CFAP299: variants seen among roughly 807,000 people sequenced by gnomAD.
CFAP299 encodes the protein cilia and flagella associated protein 299.
Under a neutral mutation model 27.0 loss-of-function variants are expected in CFAP299, and 21 were observed. The observed-to-expected ratio is 0.78, with a 90% CI of 0.55 to 1.12. The LOEUF (loss-of-function observed/expected upper bound fraction) is 1.12, where lower values mean the gene tolerates loss of function less well. Among genes scored for constraint, CFAP299 ranks in the 50% most tolerant of loss-of-function variants. CFAP299 has a pLI of 0.00. For synonymous variants in CFAP299, 104 were observed against 98.1 expected (o/e 1.06, Z -0.36); for missense variants, 310 against 276.6 (o/e 1.12, Z -0.86).
chr4:80,958,087 G>C (rs1312529435), intron 5 of CFAP299, among the ~76,000 whole-genome samples: 1 of 152,024 alleles, frequency 6.6e-6, no homozygotes, highest in African/African-American at 2.4e-5. Context: ...CTAAATCCAA[G>C]AAACTCTGTC....
chr4:80,948,290 G>A (rs1737577126), intron 5 of CFAP299, among the ~76,000 whole-genome samples: 1 of 152,138 alleles, frequency 6.6e-6, no homozygotes, highest in Non-Finnish European at 1.5e-5. Flanking sequence ...AGTAATATGA[G>A]TTCATTGGTT....
chr4:80,951,155 CTAGT>C (rs757510180), intron 5 of CFAP299, among the ~76,000 whole-genome samples: 80 of 152,162 alleles, frequency 5.3e-4, no homozygotes, highest in Middle Eastern at 3.4e-3. Flanking sequence ...TATTTACTGT[CTAGT>C]AGAGTACATC....
intron 3 of CFAP299, among the ~76,000 whole-genome samples, chr4:80,799,447 A>T (rs1478932028): frequency 2.2e-5 from 2 of 91,302 alleles, no homozygotes; most frequent in Non-Finnish European, 3.7e-5. Flanking sequence ...AATATTTATA[A>T]AATATATATA....
chr4:80,712,442 C>CT (rs1722232945), intron 3 of CFAP299, among the ~76,000 whole-genome samples: 1 of 152,124 alleles, frequency 6.6e-6, no homozygotes. Context: ...ATGACAAAGA[C>CT]TAACTAACAA....
At position 80,480,270 on chromosome 4, in the gene CFAP299, AT is replaced by A. The variant is rs150131232; in HGVS notation, c.243-102815del. ...AAAAGGTAAACTGAGGCATAATAAA[AT>A]TTTTTTTAAAGAGTTTATTTGAGCA... On this transcript the variant is annotated intron_variant, in intron 2 of 5. Coordinates refer to ENST00000358105, the MANE Select transcript of CFAP299 (RefSeq NM_152770.3). 4.6e-5 allele frequency among the ~76,000 whole-genome samples: 7 copies of A among 151,804 alleles called. No homozygotes were observed. The East Asian group carries it at 5.8e-4, about 13-fold the overall frequency.
At chr4:80,777,208 C>G (rs1330338621) in intron 3 of CFAP299, among the ~76,000 whole-genome samples, 2 of 152,084 alleles carry the variant, frequency 1.3e-5, no homozygotes, top group Admixed American at 1.3e-4. Flanking sequence ...TTGGAGGGAG[C>G]CATAACAAAT....
chr4:80,491,365 GT>G (rs1294929262), intron 2 of CFAP299, among the ~76,000 whole-genome samples: 8 of 151,828 alleles, frequency 5.3e-5, no homozygotes, highest in Non-Finnish European at 7.4e-5. Context: ...CAGCAATAGT[GT>G]TTTTTTCAGG....
chr4:80,843,411 C>G (rs1227023873), intron 3 of CFAP299, among the ~76,000 whole-genome samples: 1 of 152,082 alleles, frequency 6.6e-6, no homozygotes, highest in Non-Finnish European at 1.5e-5. Context: ...GACATGAACT[C>G]ATCCTTTTTA....
chr4:80,724,817 TTTTTTCTTTC>T (rs987077040), intron 3 of CFAP299, among the ~76,000 whole-genome samples: 156 of 152,094 alleles, frequency 1.0e-3, no homozygotes, highest in African/African-American at 3.6e-3. Flanking sequence ...TTTCTTCCTT[TTTTTTCTTTC>T]TTTTTCTTTA....
At chr4:80,470,348 A>C (rs1457909100) in intron 2 of CFAP299, among the ~76,000 whole-genome samples, 1 of 152,180 alleles carries the variant, frequency 6.6e-6, no homozygotes, top group Non-Finnish European at 1.5e-5. Flanking sequence ...TTCTCAGTCT[A>C]CCTTCTCGTT....
At chr4:80,338,922 A>G (rs538167207) in intron 1 of CFAP299, among the ~76,000 whole-genome samples, 3 of 152,334 alleles carry the variant, frequency 2.0e-5, no homozygotes, top group East Asian at 3.9e-4. Context: ...TAATCATATA[A>G]TCTGTGCCAG....
intron 2 of CFAP299, among the ~76,000 whole-genome samples, chr4:80,529,296 C>T (rs1733345333): frequency 6.6e-6 from 1 of 151,930 alleles, no homozygotes; most frequent in Non-Finnish European, 1.5e-5. Flanking sequence ...TATGACTTAT[C>T]TTTTTGTTGT....
At chr4:80,613,202 C>G (rs1738089540) in intron 3 of CFAP299, among the ~76,000 whole-genome samples, 1 of 152,000 alleles carries the variant, frequency 6.6e-6, no homozygotes. Context: ...GTCACCTATA[C>G]CAGTTTAAAT....
chr4:80,945,548 G>C (rs1009198000), intron 5 of CFAP299, among the ~76,000 whole-genome samples: 1 of 151,866 alleles, frequency 6.6e-6, no homozygotes, highest in South Asian at 2.1e-4. Context: ...TATGTCTCGG[G>C]ATGAAAGTTA....
chr4:80,366,672 C>T (rs954743665), intron 2 of CFAP299, among the ~76,000 whole-genome samples: 1 of 152,112 alleles, frequency 6.6e-6, no homozygotes, highest in African/African-American at 2.4e-5. Flanking sequence ...AAAAATTCAA[C>T]GTAGAGTTAC....
chr4:80,368,961 C>T (rs992082478), intron 2 of CFAP299, among the ~76,000 whole-genome samples: 1 of 152,108 alleles, frequency 6.6e-6, no homozygotes, highest in African/African-American at 2.4e-5. Flanking sequence ...AAAGCAAACA[C>T]CTGTGAAAGG....
At chr4:80,503,231 C>A (rs902330748) in intron 2 of CFAP299, among the ~76,000 whole-genome samples, 3 of 152,050 alleles carry the variant, frequency 2.0e-5, no homozygotes, top group Non-Finnish European at 2.9e-5. Flanking sequence ...TAATTTTTAT[C>A]TGATTTTTAG....
At chr4:80,398,693 G>C (rs1210009924) in intron 2 of CFAP299, among the ~76,000 whole-genome samples, 1 of 152,144 alleles carries the variant, frequency 6.6e-6, no homozygotes, top group Non-Finnish European at 1.5e-5. Flanking sequence ...ATTAATTCAA[G>C]ATGGATTGAA....
intron 3 of CFAP299, among the ~76,000 whole-genome samples, chr4:80,855,779 G>A (rs998230648): frequency 2.0e-5 from 3 of 152,058 alleles, no homozygotes; most frequent in Non-Finnish European, 4.4e-5. Context: ...GTGTATATGT[G>A]CCACATTTTC....
Sources: allele counts gnomAD v4.1 joint callset (sites outside exome capture counted in the v4.1 genomes callset), GRCh38; gene constraint gnomAD v4.1.1; transcripts MANE v1.5; gene names NCBI Gene and HGNC (gene_info 2026-07-23, HGNC 2026-07-21).